Variants in HPSE2 observed in about 807,000 individuals in gnomAD.
HPSE2 encodes the protein inactive heparanase-2.
Under a neutral mutation model 60.5 loss-of-function variants are expected in HPSE2, and 38 were observed. The observed-to-expected ratio is 0.63, with a 90% CI of 0.48 to 0.82. The LOEUF is 0.82. Among genes scored for constraint, HPSE2 ranks in the 40% least tolerant of loss-of-function variants. HPSE2 has a pLI of 0.00. For synonymous variants in HPSE2, 295 were observed against 293.2 expected (o/e 1.01, Z -0.06); for missense variants, 713 against 740.4 (o/e 0.96, Z 0.43).
chr10:98,889,853 T>C (rs1338520076), intron 3 of HPSE2, among the ~76,000 whole-genome samples: 3 of 152,172 alleles, frequency 2.0e-5, no homozygotes, highest in African/African-American at 4.8e-5. Flanking sequence ...GGGGGATGCA[T>C]AACCCTTTCT....
At chr10:99,184,987 T>A (rs1483794702) in intron 2 of HPSE2, among the ~76,000 whole-genome samples, 1 of 150,944 alleles carries the variant, frequency 6.6e-6, no homozygotes, top group Non-Finnish European at 1.5e-5. Flanking sequence ...AAAAAAGTAT[T>A]TGAAACCTTA....
chr10:98,521,064 G>C (rs987554608), intron 9 of HPSE2, among the ~76,000 whole-genome samples: 1 of 152,156 alleles, frequency 6.6e-6, no homozygotes, highest in African/African-American at 2.4e-5. Context: ...CAATACCATT[G>C]AGGACATTGG....
At chr10:99,263,946 C>T in the HPSE2 span, among the ~76,000 whole-genome samples, 8 of 152,106 alleles carry the variant, frequency 5.3e-5, no homozygotes, top group Non-Finnish European at 1.2e-4. Context: ...TACTTTCACC[C>T]TGATGAAGTC....
chr10:98,913,377 T>C (rs1483362020), intron 3 of HPSE2, among the ~76,000 whole-genome samples: 2 of 152,208 alleles, frequency 1.3e-5, no homozygotes, highest in East Asian at 3.9e-4. Flanking sequence ...TTATCTGCTT[T>C]AATAGAACTG....
intron 2 of HPSE2, among the ~76,000 whole-genome samples, chr10:99,210,716 T>C (rs953578043): frequency 1.3e-5 from 2 of 152,154 alleles, no homozygotes; most frequent in African/African-American, 4.8e-5. Context: ...GACAAAATTT[T>C]ATGCCCTTTT....
At chr10:99,189,366 C>T (rs2805372) in intron 2 of HPSE2, among the ~76,000 whole-genome samples, 161 of 152,240 alleles carry the variant, frequency 1.1e-3, no homozygotes, top group Non-Finnish European at 2.0e-3. Flanking sequence ...ACCACATTTC[C>T]CCAAAAGACA....
At chr10:98,997,856 T>C (rs1029933693) in intron 3 of HPSE2, among the ~76,000 whole-genome samples, 3 of 152,200 alleles carry the variant, frequency 2.0e-5, no homozygotes, top group African/African-American at 7.2e-5. Context: ...CGAGGAAGGT[T>C]GCAGAAGCAG....
At chr10:98,732,637 A>G (rs535195147) in intron 4 of HPSE2, among the ~76,000 whole-genome samples, 3 of 152,300 alleles carry the variant, frequency 2.0e-5, no homozygotes, top group African/African-American at 4.8e-5. Context: ...TTAACTCCTA[A>G]TAGATTTAGG....
At chr10:98,879,812 T>G (rs1477007784) in intron 3 of HPSE2, among the ~76,000 whole-genome samples, 2 of 151,556 alleles carry the variant, frequency 1.3e-5, no homozygotes, top group African/African-American at 4.8e-5. Flanking sequence ...GTTGACAGTT[T>G]TTTAGTTAAT....
chr10:99,264,521 T>A, the HPSE2 span, among the ~76,000 whole-genome samples: 1 of 152,166 alleles, frequency 6.6e-6, no homozygotes, highest in African/African-American at 2.4e-5. Context: ...ATGAATAGTG[T>A]TGTTTTTACC....
At chr10:98,555,559 T>A (rs1430474795) in intron 9 of HPSE2, among the ~76,000 whole-genome samples, 1 of 152,248 alleles carries the variant, frequency 6.6e-6, no homozygotes, top group African/African-American at 2.4e-5. Flanking sequence ...GCAGTTACAG[T>A]AAAGTCTTTG....
intron 3 of HPSE2, among the ~76,000 whole-genome samples, chr10:98,862,524 C>T (rs1564617851): frequency 6.6e-6 from 1 of 152,050 alleles, no homozygotes; most frequent in Non-Finnish European, 1.5e-5. Context: ...AAATAGTCAC[C>T]CTTTTAAGGC....
At chr10:99,211,284 A>T (rs1848946313) in intron 2 of HPSE2, among the ~76,000 whole-genome samples, 1 of 152,194 alleles carries the variant, frequency 6.6e-6, no homozygotes, top group Non-Finnish European at 1.5e-5. Flanking sequence ...AAATATCCAT[A>T]CTATCCAAAG....
intron 2 of HPSE2, among the ~76,000 whole-genome samples, chr10:99,205,506 C>T (rs1225994695): frequency 1.3e-5 from 2 of 152,014 alleles, no homozygotes; most frequent in African/African-American, 4.8e-5. Flanking sequence ...CGCTTGAACC[C>T]GGGCGGCAGA....
In HPSE2 at chr10:98,940,410, G is replaced by A. The variant is rs1183304787; in HGVS notation, c.611-196354C>T. Among the ~76,000 whole-genome samples the A allele has an allele frequency of 5.7e-4, 82 of 143,076 alleles. 7 individuals carry two copies. The highest frequency in any genetic ancestry group is 3.9e-4 in the Non-Finnish European group (26 of 66,868). The allele number at this position is 143,076 out of a possible 152,430, so 93.9% of individuals were successfully genotyped here. A position where few individuals can be genotyped will look rare whatever the true frequency, so the allele number is the denominator to read the frequency against. ...AAATGATAAAGGGGATATCACCACCGATCCCACAGAAATACAAACTACCAT... is the reference window on the plus strand; with the variant it reads ...AAATGATAAAGGGGATATCACCACCAATCCCACAGAAATACAAACTACCAT... On this transcript the variant is annotated intron_variant, in intron 3 of 11. Transcript: ENST00000370552.
intron 3 of HPSE2, among the ~76,000 whole-genome samples, chr10:98,780,224 T>C (rs1589815026): frequency 6.6e-6 from 1 of 152,070 alleles, no homozygotes; most frequent in African/African-American, 2.4e-5. Context: ...GTTTAAGAGC[T>C]GAGGGAAGCT....
chr10:98,731,269 A>C (rs1045250675), intron 4 of HPSE2, among the ~76,000 whole-genome samples: 1 of 151,112 alleles, frequency 6.6e-6, no homozygotes, highest in Admixed American at 6.7e-5. Flanking sequence ...ACAGAGTGAG[A>C]CCCTTTCTCA....
At chr10:98,693,577 G>A (rs531222119) in intron 6 of HPSE2, among the ~76,000 whole-genome samples, 3 of 152,272 alleles carry the variant, frequency 2.0e-5, no homozygotes, top group Admixed American at 6.5e-5. Flanking sequence ...ATTCCCAAAG[G>A]AAAAGCCTAT....
intron 9 of HPSE2, among the ~76,000 whole-genome samples, chr10:98,590,706 A>G (rs939417877): frequency 6.6e-6 from 1 of 152,180 alleles, no homozygotes; most frequent in African/African-American, 2.4e-5. Context: ...TAGCTTTCCC[A>G]CACCAGGAAA....
Sources: allele counts gnomAD v4.1 joint callset (sites outside exome capture counted in the v4.1 genomes callset), GRCh38; gene constraint gnomAD v4.1.1; transcripts MANE v1.5; gene names NCBI Gene and HGNC (gene_info 2026-07-23, HGNC 2026-07-21).